Variants in ADGRE2 observed in about 807,000 individuals in gnomAD.
ADGRE2 encodes CD97 antigen.
ADGRE2 carries 83 observed loss-of-function variants against 100.8 expected under a neutral mutation model. The observed-to-expected ratio is 0.82, with a 90% CI of 0.69 to 0.99. The LOEUF is 0.99. Ranked by LOEUF, ADGRE2 falls within the 50% of genes least tolerant of loss-of-function variation. ADGRE2 has a pLI of 0.00. For missense variants in ADGRE2, 814 were observed against 1,035.7 expected (o/e 0.79, Z 2.94); for synonymous variants, 355 against 413.0 (o/e 0.86, Z 1.70).
intron 14 of ADGRE2, among the ~76,000 whole-genome samples, chr19:14,753,218 A>G (rs1418554389): frequency 6.6e-6 from 1 of 151,850 alleles, no homozygotes; most frequent in Non-Finnish European, 1.5e-5. Context: ...AGGGAAAGTG[A>G]GAGTTAAAGA....
intron 14 of ADGRE2, 141 bp from the exon 15 acceptor site, chr19:14,752,667 T>A: frequency 1.8e-6 from 2 of 1,086,378 alleles, no homozygotes; most frequent in Non-Finnish European, 2.6e-6. Flanking sequence ...GTCACCAATT[T>A]AATTTAATTT....
At chr19:14,764,904 C>T (rs1356973179) in intron 10 of ADGRE2, among the ~76,000 whole-genome samples, 3 of 152,148 alleles carry the variant, frequency 2.0e-5, no homozygotes, top group Non-Finnish European at 2.9e-5. Context: ...GTAATCCTAG[C>T]TACTCAGGGG....
intron 20 of ADGRE2, among the ~76,000 whole-genome samples, chr19:14,736,885 A>G (rs1210311321): frequency 6.9e-6 from 1 of 144,078 alleles, no homozygotes; most frequent in Non-Finnish European, 1.5e-5. Flanking sequence ...TATATTTAGA[A>G]ATATATATAT....
downstream of ADGRE2, among the ~76,000 whole-genome samples, chr19:14,728,885 A>G (rs2042649983): frequency 6.6e-6 from 1 of 152,150 alleles, no homozygotes; most frequent in African/African-American, 2.4e-5. Context: ...CCTTAACGCA[A>G]TCCCTGCCTC....
In ADGRE2 at chr19:14,778,291, G is replaced by A. The variant is rs34870178; in HGVS notation, c.-206C>T. On this transcript the variant is annotated 5_prime_UTR_variant, in exon 1 of 21. Coordinates refer to ENST00000315576, the MANE Select transcript of ADGRE2 (RefSeq NM_013447.4). ...GTGGCAGACGTCTGTGGTCCCAGCT[G>A]CTACTACTCAGGAGGCTGAGGCAGG... is the stretch of plus-strand genomic sequence containing the variant. 0.24 allele frequency: 36,300 copies of A among 153,252 alleles called. 5,041 individuals carry two copies. Among genetic ancestry groups the A allele is most frequent in the African/African-American group, 0.37 (15,438 of 41,484 alleles). 9.5% of individuals were successfully genotyped at this position (153,252 alleles called of 1,614,324 possible).
Position 14,772,512 on chromosome 19 carries a change from G to C in ADGRE2, c.200-15C>G. The C allele has an allele frequency of 6.2e-7, 1 of 1,613,180 alleles. No individual in the cohort carries two copies. The highest frequency in any genetic ancestry group is 8.5e-7 in the Non-Finnish European group (1 of 1,179,460). On this transcript the variant is annotated splice_polypyrimidine_tract_variant and intron_variant, in intron 4 of 20. Coordinates refer to ENST00000315576, the MANE Select transcript of ADGRE2 (RefSeq NM_013447.4). ...CTCGTTGATGTCTGGAACACAACAG[G>C]ACAGGAGGTCATCTCCCAAAGATGT...
intron 20 of ADGRE2, among the ~76,000 whole-genome samples, chr19:14,738,194 T>C (rs1281251342): frequency 6.6e-6 from 1 of 152,132 alleles, no homozygotes; most frequent in African/African-American, 2.4e-5. Context: ...CTATTATGGA[T>C]CAATTAAAAA....
chr19:14,755,883 G>C lies in ADGRE2; in HGVS notation c.1193-6C>G. ...AAGGCCCACCACAGAAGGGCCTGCA[G>C]GGCGAGGCCAAGGTTGAATCTTGGA... On this transcript the variant is annotated splice_polypyrimidine_tract_variant and splice_region_variant and intron_variant, in intron 12 of 20. Coordinates refer to ENST00000315576, the MANE Select transcript of ADGRE2 (RefSeq NM_013447.4). 1 of 1,612,608 alleles carries C rather than the reference G, an allele frequency of 6.2e-7. No homozygotes were observed. Among genetic ancestry groups the C allele is most frequent in the Middle Eastern group, 1.7e-4 (1 of 5,732 alleles).
intron 11 of ADGRE2, among the ~76,000 whole-genome samples, chr19:14,761,838 G>A (rs1202086779): frequency 6.6e-6 from 1 of 152,058 alleles, no homozygotes; most frequent in Non-Finnish European, 1.5e-5. Flanking sequence ...CCAATCTTTG[G>A]GCCCTATGTA....
intron 5 of ADGRE2, among the ~76,000 whole-genome samples, chr19:14,770,061 T>C (rs2044141038): frequency 6.6e-6 from 1 of 152,282 alleles, no homozygotes; most frequent in East Asian, 1.9e-4. Context: ...CACCTGTGCA[T>C]GCGGTGATAC....
intron 20 of ADGRE2, among the ~76,000 whole-genome samples, chr19:14,738,969 C>CTTTTT (rs68029679): frequency 5.6e-4 from 59 of 104,886 alleles, no homozygotes; most frequent in Admixed American, 1.1e-3. Context: ...CTTTTCTTTT[C>CTTTTT]TTTTTTTTTT....
downstream of ADGRE2, among the ~76,000 whole-genome samples, chr19:14,730,450 C>CCTTCCTTCTTTCCTTCCTT (rs2042660685): frequency 6.6e-6 from 1 of 150,766 alleles, no homozygotes; most frequent in Non-Finnish European, 1.5e-5. Context: ...TTTCCTTCCT[C>CCTTCCTTCTTTCCTTCCTT]CCTTCCTCTC....
chr19:14,756,167 A>G, intron 12 of ADGRE2, 71 bp downstream of exon 12: 1 of 1,191,500 alleles, frequency 8.4e-7, no homozygotes, highest in East Asian at 2.3e-5. Flanking sequence ...TAAATTTCTT[A>G]TTTTTCACAT....
Position 14,751,494 on chromosome 19 carries a change from C to T in ADGRE2, c.1966G>A (p.Ala656Thr), listed in dbSNP as rs143530914. Residue 656 changes from alanine (A) to threonine (T), a missense_variant, in exon 16 of 21, where the codon GCT becomes ACT. Transcript: ENST00000315576. The stretch of plus-strand genomic sequence containing the variant: ...GCTGCAGAAATGGCCACTGTCACAG[C>T]TGGGACTCCGTAGCCCACAGGGAAC... ...LMFPVGYGVPAVTVAISAASR... is the reference protein window; with the variant it reads ...LMFPVGYGVPTVTVAISAASR... The T allele has an allele frequency of 2.4e-5, 39 of 1,614,034 alleles. No individual in the cohort carries two copies. The highest frequency in any genetic ancestry group is 3.3e-5 in the Admixed American group (2 of 59,984).
chr19:14,740,621 CAAA>C (rs3057546), intron 20 of ADGRE2, among the ~76,000 whole-genome samples: 10,979 of 123,996 alleles, frequency 0.089, 1,467 homozygotes, highest in African/African-American at 0.3. Context: ...AACTCCGTCT[CAAA>C]AAAAAAAAAA....
At chr19:14,727,636 C>G (rs936611084), downstream of ADGRE2, among the ~76,000 whole-genome samples, 2 of 151,850 alleles carry the variant, frequency 1.3e-5, no homozygotes, top group African/African-American at 4.8e-5. Flanking sequence ...ACCTCCAGCA[C>G]TGGGGATTAC....
chr19:14,774,598 TCCTAGGCTCAAGCGATCCCCCTG>T (rs1161824911), intron 2 of ADGRE2, among the ~76,000 whole-genome samples: 2 of 150,788 alleles, frequency 1.3e-5, no homozygotes, highest in African/African-American at 4.9e-5. Context: ...AGCCTCCAAT[TCCTAGGCTCAAGCGATCCCCCTG>T]CCTCACCCTC....
At chr19:14,750,542 C>T (rs1380765451) in intron 16 of ADGRE2, among the ~76,000 whole-genome samples, 1 of 151,150 alleles carries the variant, frequency 6.6e-6, no homozygotes, top group African/African-American at 2.4e-5. Flanking sequence ...CAACAGTGTC[C>T]TGGAGGTTTC....
At position 14,766,339 on chromosome 19, in the gene ADGRE2, G is replaced by A; in HGVS notation, c.530C>T (p.Ser177Phe). 6.2e-7 allele frequency: 1 copy of A among 1,614,066 alleles called. No homozygotes were observed. Among genetic ancestry groups the A allele is most frequent in the Non-Finnish European group, 8.5e-7 (1 of 1,180,016 alleles). Reference sequence around the variant, plus strand: ...GCCCACGTTGTTGAGGCAGTGGGTGGAGCTGTGGCATGGGTTTTGTCCGGA... The same window carrying A: ...GCCCACGTTGTTGAGGCAGTGGGTGAAGCTGTGGCATGGGTTTTGTCCGGA... ...CTSGQNPCHS[S>F]THCLNNVGSY... Residue 177 changes from serine (S) to phenylalanine (F), a missense_variant, in exon 7 of 21, where the codon TCC becomes TTC. Ser to Phe is a radical substitution (Grantham distance 155). This residue lies in a region of ADGRE2 where 69 missense variants were observed against 75.3 expected (regional missense o/e 0.92). Transcript: ENST00000315576.
Sources: gnomAD v4.1 joint callset for allele counts (sites outside exome capture counted in the v4.1 genomes callset) on GRCh38, gnomAD v4.1.1 for gene constraint, gnomAD v4.1.1 regional missense constraint, MANE v1.5 for transcripts, NCBI Gene and HGNC (gene_info 2026-07-23, HGNC 2026-07-21) for gene names.